Variants in ABAT observed in about 807,000 individuals in gnomAD.
ABAT encodes the protein 4-aminobutyrate aminotransferase.
A neutral mutation model predicts 64.6 loss-of-function variants in ABAT; 45 were observed. That is an observed-to-expected ratio of 0.70 (90% CI 0.55 to 0.89). ABAT has a LOEUF of 0.89. ABAT is among the 40% of genes least tolerant of loss of function. The probability of loss-of-function intolerance (pLI) is 0.00; values close to 1 mark genes in which losing one functional copy is unlikely to be tolerated. For synonymous variants in ABAT, 297 were observed against 250.5 expected, an observed-to-expected ratio of 1.19 and a Z score of -1.75; for missense variants, 633 against 658.4, an observed-to-expected ratio of 0.96 and a Z score of 0.42.
intron 1 of ABAT, among the ~76,000 whole-genome samples, chr16:8,701,314 G>A (rs1375101979): frequency 6.6e-6 from 1 of 151,710 alleles, no homozygotes; most frequent in African/African-American, 2.4e-5. Context: ...GTAGTGAGCT[G>A]TAATCAAATC....
chr16:8,763,976 A>C, intron 6 of ABAT, 93 bp from the exon 7 acceptor site: 1 of 1,061,100 alleles, frequency 9.4e-7, no homozygotes, highest in South Asian at 1.3e-5. Context: ...TTTGGAGGCT[A>C]TTTGAACACA....
At chr16:8,682,011 C>G (rs1202051746) in intron 1 of ABAT, among the ~76,000 whole-genome samples, 1 of 152,108 alleles carries the variant, frequency 6.6e-6, no homozygotes, top group Non-Finnish European at 1.5e-5. Flanking sequence ...TTGGCCTCCA[C>G]CCACCAGACG....
chr16:8,709,516 G>A (rs1175352506), intron 1 of ABAT, among the ~76,000 whole-genome samples: 1 of 152,124 alleles, frequency 6.6e-6, no homozygotes. Flanking sequence ...AGGGATTACA[G>A]GCTCCTGCCA....
rs1369341135 is a variant in ABAT at position 8,757,872 on chromosome 16, C to A, written c.366+66C>A. ...CATGGCCATTCACAGAATCACTGGG[C>A]AGACTTTGGCAATAGTCCTTTCATT... On this transcript the variant is annotated intron_variant, in intron 6 of 15. Coordinates refer to ENST00000268251, the MANE Select transcript of ABAT (RefSeq NM_020686.6). 4.0e-6 allele frequency: 6 copies of A among 1,511,462 alleles called. No individual in the cohort carries two copies. The East Asian group carries it at 9.0e-5, about 23-fold the overall frequency. 93.6% of individuals were successfully genotyped at this position (1,511,462 alleles called of 1,614,324 possible).
At chr16:8,763,832 C>T (rs956685947) in intron 6 of ABAT, among the ~76,000 whole-genome samples, 5 of 152,226 alleles carry the variant, frequency 3.3e-5, no homozygotes, top group East Asian at 1.9e-4. Context: ...TCCTATATAA[C>T]GCCAATGCAA....
intron 1 of ABAT, among the ~76,000 whole-genome samples, chr16:8,686,813 G>A (rs892682930): frequency 6.6e-6 from 1 of 152,194 alleles, no homozygotes; most frequent in Admixed American, 6.5e-5. Flanking sequence ...AATGATCACA[G>A]CAGAGTTTGG....
chr16:8,751,677 T>TTTGCC (rs2142742160), intron 5 of ABAT, among the ~76,000 whole-genome samples: 1 of 152,242 alleles, frequency 6.6e-6, no homozygotes, highest in Non-Finnish European at 1.5e-5. Flanking sequence ...GTGGCTTCCA[T>TTTGCC]TTGCCAAGGG....
At chr16:8,725,928 GA>G (rs1401057672) in intron 1 of ABAT, among the ~76,000 whole-genome samples, 1 of 152,006 alleles carries the variant, frequency 6.6e-6, no homozygotes, top group Admixed American at 6.6e-5. Flanking sequence ...CCTGCCTCGA[GA>G]ACCCCCTCCC....
At position 8,706,053 on chromosome 16, in the gene ABAT, C is replaced by T. The variant is rs190114416; in HGVS notation, c.-41-29646C>T. ...TTCACTGGACAAATATTCAGTGTGCCTGTTGGGAGTGTTGGGCATGTGCAG... is the reference window on the plus strand; with the variant it reads ...TTCACTGGACAAATATTCAGTGTGCTTGTTGGGAGTGTTGGGCATGTGCAG... On this transcript the variant is annotated intron_variant, in intron 1 of 15. Coordinates refer to ENST00000268251, the MANE Select transcript of ABAT (RefSeq NM_020686.6). Among the ~76,000 whole-genome samples, 10 of 152,142 alleles carry T rather than the reference C, an allele frequency of 6.6e-5. No individual in the cohort carries two copies. The East Asian group carries it at 1.4e-3, about 21-fold the overall frequency.
chr16:8,719,454 C>G (rs1471760725), intron 1 of ABAT, among the ~76,000 whole-genome samples: 1 of 152,188 alleles, frequency 6.6e-6, no homozygotes, highest in East Asian at 1.9e-4. Flanking sequence ...GTTCATTTTT[C>G]TCTCCAGTTT....
At chr16:8,750,385 T>C (rs1241335586) in intron 4 of ABAT, 37 bp from the exon 5 acceptor site, 2 of 1,528,252 alleles carry the variant, frequency 1.3e-6, no homozygotes, top group African/African-American at 2.7e-5. Context: ...ATCTAGGGAG[T>C]GGCAGTGAGC....
At chr16:8,715,710 T>C (rs1160745148) in intron 1 of ABAT, 1 of 151,296 alleles carries the variant, frequency 6.6e-6, no homozygotes, top group Non-Finnish European at 1.5e-5. Context: ...GATTGTATGT[T>C]AGATAATAGT....
At position 8,764,708 on chromosome 16, in the gene ABAT, C is replaced by T. The variant is rs751757406; in HGVS notation, c.448-30C>T. Reference sequence around the variant, plus strand: ...CGGGAGGACAGGAGTCATGATGAGCCTGGGCTCACGGCTATTTCCCTCCCC... The same window carrying T: ...CGGGAGGACAGGAGTCATGATGAGCTTGGGCTCACGGCTATTTCCCTCCCC... On this transcript the variant is annotated intron_variant, in intron 7 of 15. Coordinates refer to ENST00000268251, the MANE Select transcript of ABAT (RefSeq NM_020686.6). This position sits in a 1 kb window ranked among gnomAD's most constrained non-coding sequence, Gnocchi z 4.2. The T allele has an allele frequency of 1.9e-6, 3 of 1,601,950 alleles. No individual in the cohort carries two copies. The highest frequency in any genetic ancestry group is 1.3e-5 in the African/African-American group (1 of 74,776).
chr16:8,700,394 TG>T (rs1200875798), intron 1 of ABAT, among the ~76,000 whole-genome samples: 2 of 152,176 alleles, frequency 1.3e-5, no homozygotes, highest in Non-Finnish European at 2.9e-5. Flanking sequence ...TACCTGAGAA[TG>T]CAACCATGTA....
chr16:8,738,801 T>G (rs1309685957), intron 2 of ABAT, among the ~76,000 whole-genome samples: 1 of 151,952 alleles, frequency 6.6e-6, no homozygotes, highest in Admixed American at 6.5e-5. Flanking sequence ...CCTGCCACCA[T>G]GCCCGGCTAA....
chr16:8,699,658 C>G (rs999048722), intron 1 of ABAT, among the ~76,000 whole-genome samples: 3 of 152,038 alleles, frequency 2.0e-5, no homozygotes, highest in Admixed American at 1.3e-4. Context: ...GCCTCCTGGG[C>G]TTAAACGATC....
chr16:8,682,222 CACACAG>C lies in ABAT; in HGVS notation c.-42+7513_-42+7518del, dbSNP rs767730786. ...ACACACACACACACACACACACACACACACAGAGGAGGCATTCAGGATGTATTTGTT... is the reference window on the plus strand; with the variant it reads ...ACACACACACACACACACACACACACAGGAGGCATTCAGGATGTATTTGTT... On this transcript the variant is annotated intron_variant, in intron 1 of 15. Coordinates refer to ENST00000268251, the MANE Select transcript of ABAT (RefSeq NM_020686.6). Among the ~76,000 whole-genome samples the C allele has an allele frequency of 7.3e-3, 1,063 of 144,756 alleles. 11 individuals carry two copies. The highest frequency in any genetic ancestry group is 0.013 in the South Asian group (53 of 4,046). 95.0% of individuals were successfully genotyped at this position (144,756 alleles called of 152,430 possible). A position where few individuals can be genotyped will look rare whatever the true frequency, so the allele number is the denominator to read the frequency against.
At chr16:8,691,982 G>A (rs754936007) in intron 1 of ABAT, among the ~76,000 whole-genome samples, 34 of 152,126 alleles carry the variant, frequency 2.2e-4, no homozygotes, top group Non-Finnish European at 4.4e-4. Context: ...TTTCTGTTAC[G>A]AACCACACCT....
intron 1 of ABAT, among the ~76,000 whole-genome samples, chr16:8,690,125 A>G (rs932576744): frequency 1.3e-5 from 2 of 152,168 alleles, no homozygotes; most frequent in Non-Finnish European, 2.9e-5. Flanking sequence ...CTGGCACTGA[A>G]CATTTCATTT....
Sources: allele counts gnomAD v4.1 joint callset (sites outside exome capture counted in the v4.1 genomes callset), GRCh38; gene constraint gnomAD v4.1.1; non-coding constraint Gnocchi (gnomAD v3.1); transcripts MANE v1.5; gene names NCBI Gene and HGNC (gene_info 2026-07-23, HGNC 2026-07-21).